EXOC6B: variants seen among roughly 807,000 people sequenced by gnomAD.
EXOC6B encodes the protein SEC15 homolog B.
A neutral mutation model predicts 113.5 loss-of-function variants in EXOC6B; 54 were observed. That is an observed-to-expected ratio of 0.48 (90% confidence interval 0.38 to 0.60). The LOEUF (loss-of-function observed/expected upper bound fraction) is 0.60. EXOC6B is among the 20% of genes least tolerant of loss of function. The probability of loss-of-function intolerance (pLI) is 0.00; values close to 1 mark genes in which losing one functional copy is unlikely to be tolerated. For synonymous variants in EXOC6B, 357 were observed against 339.0 expected, an observed-to-expected ratio of 1.05 and a Z score of -0.58; for missense variants, 797 against 977.5, an observed-to-expected ratio of 0.82 and a Z score of 2.46.
intron 18 of EXOC6B, among the ~76,000 whole-genome samples, chr2:72,397,032 T>C (rs545960204): frequency 6.6e-6 from 1 of 152,176 alleles, no homozygotes; most frequent in African/African-American, 2.4e-5. Context: ...ATCTATGTTC[T>C]CCCTTATACC....
intron 8 of EXOC6B, among the ~76,000 whole-genome samples, chr2:72,526,127 A>G (rs575194039): frequency 6.6e-6 from 1 of 152,248 alleles, no homozygotes; most frequent in South Asian, 2.1e-4. Flanking sequence ...TTCCAGACAA[A>G]TAACTTAATC....
In EXOC6B at chr2:72,647,216, A is replaced by T. The variant is rs991375932; in HGVS notation, c.669+70887T>A. Among the ~76,000 whole-genome samples, 51 of 152,316 alleles carry T rather than the reference A, an allele frequency of 3.3e-4. 1 individual carries two copies. The highest frequency in any genetic ancestry group is 2.9e-4 in the Non-Finnish European group (20 of 68,030). ...AATAAAATACCTAGGAATCCAACTT[A>T]CAAGGGATGTGAAGGACCTCTTCAA... is the stretch of plus-strand genomic sequence containing the variant. On this transcript the variant is annotated intron_variant, in intron 6 of 21. Transcript: ENST00000272427.
chr2:72,326,568 C>T (rs1165992566), intron 20 of EXOC6B, among the ~76,000 whole-genome samples: 1 of 152,048 alleles, frequency 6.6e-6, no homozygotes, highest in Non-Finnish European at 1.5e-5. Context: ...GAACCAATGC[C>T]TTCAAACTGA....
intron 6 of EXOC6B, among the ~76,000 whole-genome samples, chr2:72,613,049 G>C (rs548937719): frequency 1.3e-5 from 2 of 152,174 alleles, no homozygotes; most frequent in Admixed American, 1.3e-4. Context: ...TTATAAGGGC[G>C]TAAAAAGTCT....
rs555040975 is a variant in EXOC6B at position 72,702,168 on chromosome 2, G to A, written c.669+15935C>T. 2.0e-3 allele frequency among the ~76,000 whole-genome samples: 298 copies of A among 149,886 alleles called. 1 individual carries two copies. The Middle Eastern group carries it at 0.025, about 12-fold the overall frequency. On this transcript the variant is annotated intron_variant, in intron 6 of 21. Transcript: ENST00000272427. ...TTCCCACCTATGAGTGAGAATATGC[G>A]GTGTTTGGTTTTTTGTTCTTGCAAT...
chr2:72,264,376 G>T (rs1170060440), intron 20 of EXOC6B, among the ~76,000 whole-genome samples: 1 of 152,052 alleles, frequency 6.6e-6, no homozygotes, highest in African/African-American at 2.4e-5. Flanking sequence ...TTTGAGACTA[G>T]CCTGGCCAGC....
rs371104468 is a variant in EXOC6B, at chr2:72,479,417, T to C, written c.1800+1199A>G. Among the ~76,000 whole-genome samples, 3 of 152,232 alleles carry C rather than the reference T, an allele frequency of 2.0e-5. No individual in the cohort carries two copies. The East Asian group carries it at 5.8e-4, about 29-fold the overall frequency. On this transcript the variant is annotated intron_variant, in intron 17 of 21. Coordinates refer to ENST00000272427, the MANE Select transcript of EXOC6B (RefSeq NM_015189.3). ...TCTCTTGCGCCTACTGTCAAAAGAA[T>C]GTACCAAAAATAGAGAAAGAGGTTA...
chr2:72,788,713 G>A (rs149096238), intron 1 of EXOC6B, among the ~76,000 whole-genome samples: 2,213 of 152,240 alleles, frequency 0.015, 71 homozygotes, highest in African/African-American at 0.051. Context: ...TGGAAGGATC[G>A]CGTGAGCCTA....
At chr2:72,183,035 TGC>T (rs1678191866) in intron 21 of EXOC6B, 1 of 455,326 alleles carries the variant, frequency 2.2e-6, no homozygotes, top group Admixed American at 4.4e-5. Context: ...TACATACACC[TGC>T]ATCATGCTCT....
chr2:72,245,493 G>C (rs1157910363), intron 20 of EXOC6B, among the ~76,000 whole-genome samples: 2 of 152,120 alleles, frequency 1.3e-5, no homozygotes, highest in African/African-American at 4.8e-5. Flanking sequence ...AAAAAGAAAT[G>C]AGCTATCTAG....
intron 8 of EXOC6B, among the ~76,000 whole-genome samples, chr2:72,520,377 C>CTAAAGTTTTTTGTTCCTGTTTCA (rs1701423535): frequency 6.6e-6 from 1 of 152,090 alleles, no homozygotes; most frequent in South Asian, 2.1e-4. Flanking sequence ...ATTTATTCTT[C>CTAAAGTTTTTTGTTCCTGTTTCA]TAAAGTTTTT....
At chr2:72,638,083 T>C (rs771354846) in intron 6 of EXOC6B, among the ~76,000 whole-genome samples, 5 of 152,060 alleles carry the variant, frequency 3.3e-5, no homozygotes, top group Admixed American at 6.6e-5. Context: ...CTTGGTTTTC[T>C]GAAAAGATAA....
chr2:72,626,299 C>CA (rs1209353595), intron 6 of EXOC6B, among the ~76,000 whole-genome samples: 1 of 152,130 alleles, frequency 6.6e-6, no homozygotes, highest in Non-Finnish European at 1.5e-5. Context: ...AAGATTTCAG[C>CA]AACTCCTAAT....
intron 11 of EXOC6B, among the ~76,000 whole-genome samples, chr2:72,501,297 A>G (rs996989131): frequency 1.3e-5 from 2 of 152,066 alleles, no homozygotes; most frequent in East Asian, 3.9e-4. Flanking sequence ...TATGGGAGCT[A>G]GTTGTTTAAA....
At chr2:72,457,017 A>T (rs965329330) in intron 18 of EXOC6B, among the ~76,000 whole-genome samples, 2 of 151,952 alleles carry the variant, frequency 1.3e-5, no homozygotes, top group South Asian at 2.1e-4. Context: ...GGGGGGAAAA[A>T]AAAAAAAGAC....
chr2:72,388,446 C>T lies in EXOC6B; in HGVS notation c.1981-8576G>A, dbSNP rs140864816. ...GTTTTACTCCTTTTGAATTTACTGA[C>T]GCATGTTTTATAGCCCAGGATGTGG... On this transcript the variant is annotated intron_variant, in intron 18 of 21. Coordinates refer to ENST00000272427, the MANE Select transcript of EXOC6B (RefSeq NM_015189.3). 4.5e-4 allele frequency among the ~76,000 whole-genome samples: 69 copies of T among 152,054 alleles called. 1 individual carries two copies. In the East Asian group the frequency reaches 0.011, roughly 25 times the overall value.
chr2:72,306,723 C>A (rs933997079), intron 20 of EXOC6B, among the ~76,000 whole-genome samples: 2 of 152,042 alleles, frequency 1.3e-5, no homozygotes, highest in African/African-American at 4.8e-5. Flanking sequence ...CCAAAACAAC[C>A]CTGGCAATTT....
chr2:72,216,939 G>T (rs962115014), intron 20 of EXOC6B, among the ~76,000 whole-genome samples: 1 of 151,716 alleles, frequency 6.6e-6, no homozygotes, highest in Non-Finnish European at 1.5e-5. Flanking sequence ...TACTTGGGAG[G>T]CTGAGGCAGG....
intron 21 of EXOC6B, among the ~76,000 whole-genome samples, chr2:72,181,965 T>G (rs1324368863): frequency 6.6e-6 from 1 of 152,216 alleles, no homozygotes; most frequent in Non-Finnish European, 1.5e-5. Flanking sequence ...CTCAATGTCT[T>G]TAGCAGGTCT....
Sources: allele counts gnomAD v4.1 joint callset (sites outside exome capture counted in the v4.1 genomes callset), GRCh38; gene constraint gnomAD v4.1.1; transcripts MANE v1.5; gene names NCBI Gene and HGNC (gene_info 2026-07-23, HGNC 2026-07-21).